The following FGF12 variants were observed in gnomAD, a reference collection of about 807,000 sequenced individuals.
FGF12 encodes the protein fibroblast growth factor 12, also known as fibroblast growth factor 12B.
FGF12 carries 14 observed loss-of-function variants against 23.6 expected under a neutral mutation model. The ratio of observed to expected loss-of-function variants is 0.59; its 90% CI spans 0.39 to 0.93. FGF12 has a LOEUF of 0.93. Ranked by LOEUF, FGF12 falls within the 40% of genes least tolerant of loss-of-function variation. The probability of loss-of-function intolerance (pLI) is 0.00; values close to 1 mark genes in which losing one functional copy is unlikely to be tolerated. For missense variants in FGF12, 175 were observed against 217.8 expected, an observed-to-expected ratio of 0.80 and a Z score of 1.24; for synonymous variants, 62 against 77.3, an observed-to-expected ratio of 0.80 and a Z score of 1.04.
intron 2 of FGF12, among the ~76,000 whole-genome samples, chr3:192,391,615 C>T (rs930645822): frequency 5.9e-5 from 9 of 152,138 alleles, no homozygotes; most frequent in Admixed American, 2.6e-4. Flanking sequence ...AAGCAACACC[C>T]TCTACAATGA....
chr3:192,155,638 T>C (rs1349245854), intron 5 of FGF12, among the ~76,000 whole-genome samples: 2 of 152,218 alleles, frequency 1.3e-5, no homozygotes, highest in South Asian at 2.1e-4. Context: ...TAATACCACA[T>C]AGAAAATGGG....
At chr3:192,254,623 A>G (rs1560037036) in intron 4 of FGF12, among the ~76,000 whole-genome samples, 1 of 152,028 alleles carries the variant, frequency 6.6e-6, no homozygotes, top group African/African-American at 2.4e-5. Flanking sequence ...ATAATCTGTA[A>G]TTTACCTTTA....
At chr3:192,285,615 C>T (rs543410047) in intron 4 of FGF12, among the ~76,000 whole-genome samples, 60 of 151,908 alleles carry the variant, frequency 3.9e-4, no homozygotes, top group Non-Finnish European at 7.8e-4. Flanking sequence ...CTGAAGCTCT[C>T]GTTTCACTTT....
At chr3:192,659,402 C>A (rs932818872) in intron 2 of FGF12, among the ~76,000 whole-genome samples, 2 of 152,190 alleles carry the variant, frequency 1.3e-5, no homozygotes, top group African/African-American at 4.8e-5. Context: ...TCATCCCCAG[C>A]TGATGTGTAT....
intron 2 of FGF12, among the ~76,000 whole-genome samples, chr3:192,633,041 T>G (rs1289639213): frequency 6.6e-6 from 1 of 152,088 alleles, no homozygotes; most frequent in Non-Finnish European, 1.5e-5. Flanking sequence ...TTGTTTTGTT[T>G]TGTTGTGTTG....
chr3:192,695,370 C>A (rs564895467), intron 2 of FGF12, among the ~76,000 whole-genome samples: 6 of 152,088 alleles, frequency 3.9e-5, no homozygotes, highest in Non-Finnish European at 7.4e-5. Context: ...ATTAAGACTT[C>A]ATTCTTTGAG....
chr3:192,491,231 G>A (rs761332900), intron 2 of FGF12, among the ~76,000 whole-genome samples: 1 of 151,944 alleles, frequency 6.6e-6, no homozygotes, highest in Non-Finnish European at 1.5e-5. Context: ...TACAATGTTT[G>A]TATATGTAAA....
At chr3:192,311,027 A>G (rs1236118863) in intron 4 of FGF12, among the ~76,000 whole-genome samples, 1 of 152,234 alleles carries the variant, frequency 6.6e-6, no homozygotes, top group Non-Finnish European at 1.5e-5. Context: ...ATTAATGTGT[A>G]TTGAATACAT....
intron 2 of FGF12, among the ~76,000 whole-genome samples, chr3:192,497,592 G>T (rs1252644661): frequency 6.6e-6 from 1 of 152,126 alleles, no homozygotes; most frequent in African/African-American, 2.4e-5. Flanking sequence ...CTTTGCTCTT[G>T]CCGCACTGCT....
chr3:192,468,533 T>C (rs1723072968), intron 2 of FGF12, among the ~76,000 whole-genome samples: 2 of 152,248 alleles, frequency 1.3e-5, no homozygotes, highest in South Asian at 4.1e-4. Flanking sequence ...TTCACATGAT[T>C]AGATGGAGGC....
intron 2 of FGF12, among the ~76,000 whole-genome samples, chr3:192,440,525 A>G (rs963757405): frequency 1.3e-5 from 2 of 152,192 alleles, no homozygotes; most frequent in Non-Finnish European, 2.9e-5. Context: ...GATACTGCCA[A>G]CAGACACACT....
chr3:192,331,860 A>G (rs1270187855), intron 4 of FGF12, among the ~76,000 whole-genome samples: 1 of 152,140 alleles, frequency 6.6e-6, no homozygotes, highest in Admixed American at 6.6e-5. Context: ...TTATTTTCCA[A>G]ATGCTGAGAA....
chr3:192,252,718 T>C (rs897028156), intron 4 of FGF12, among the ~76,000 whole-genome samples: 1 of 151,878 alleles, frequency 6.6e-6, no homozygotes, highest in Non-Finnish European at 1.5e-5. Context: ...ATGTCAGCTA[T>C]GGTAGAAAAG....
intron 2 of FGF12, among the ~76,000 whole-genome samples, chr3:192,600,206 T>C (rs1463433483): frequency 6.6e-6 from 1 of 152,170 alleles, no homozygotes; most frequent in Non-Finnish European, 1.5e-5. Flanking sequence ...GCTGTAGATA[T>C]GTGGATTAAT....
chr3:192,327,906 C>T (rs2108688581), intron 4 of FGF12, among the ~76,000 whole-genome samples: 1 of 152,200 alleles, frequency 6.6e-6, no homozygotes, highest in African/African-American at 2.4e-5. Context: ...CACCTCTTGT[C>T]CAGGTTCAAA....
intron 2 of FGF12, among the ~76,000 whole-genome samples, chr3:192,674,620 A>T (rs1336303155): frequency 6.6e-6 from 1 of 152,202 alleles, no homozygotes; most frequent in East Asian, 1.9e-4. Context: ...AATATTAATA[A>T]GATACATGCA....
At chr3:192,499,512 ATATATTTTTTTTTTT>A (rs1724063457) in intron 2 of FGF12, among the ~76,000 whole-genome samples, 2 of 44,076 alleles carry the variant, frequency 4.5e-5, no homozygotes, top group Admixed American at 2.8e-4. Context: ...ATATATATAT[ATATATTTTTTTTTTT>A]TTTTTTTTTT....
At chr3:192,164,794 A>G (rs1715067586) in intron 5 of FGF12, among the ~76,000 whole-genome samples, 1 of 152,176 alleles carries the variant, frequency 6.6e-6, no homozygotes, top group African/African-American at 2.4e-5. Context: ...TTTAAACATT[A>G]CAAACAAAAT....
intron 3 of FGF12, among the ~76,000 whole-genome samples, chr3:192,340,854 C>T (rs1215771819): frequency 1.3e-5 from 2 of 151,746 alleles, no homozygotes; most frequent in African/African-American, 4.8e-5. Flanking sequence ...ACTGTAAAAC[C>T]CATAGGAAAA....
Sources: gnomAD v4.1 joint callset for allele counts (sites outside exome capture counted in the v4.1 genomes callset) on GRCh38, gnomAD v4.1.1 for gene constraint, MANE v1.5 for transcripts, NCBI Gene and HGNC (gene_info 2026-07-23, HGNC 2026-07-21) for gene names.